MUC17: variants seen among roughly 807,000 people sequenced by gnomAD.
MUC17 encodes mucin 17, cell surface associated.
Under a neutral mutation model 170.3 loss-of-function variants are expected in MUC17, and 190 were observed. The observed-to-expected ratio is 1.12, with a 90% CI of 0.99 to 1.26. The LOEUF (loss-of-function observed/expected upper bound fraction) is 1.26. Ranked by LOEUF, MUC17 falls within the 50% of genes most tolerant of loss-of-function variation. The pLI, the probability that MUC17 is intolerant of heterozygous loss-of-function variation, is 0.00. For synonymous variants in MUC17, 2,325 were observed against 2,002.5 expected, an observed-to-expected ratio of 1.16 and a Z score of -4.30; for missense variants, 6,415 against 5,530.0, an observed-to-expected ratio of 1.16 and a Z score of -5.08.
Position 101,039,785 on chromosome 7 carries a change from C to T in MUC17, c.8369C>T (p.Ser2790Phe), listed in dbSNP as rs774257815. 5.0e-6 allele frequency: 8 copies of T among 1,609,000 alleles called. No individual in the cohort carries two copies. The African/African-American group carries it at 8.1e-5, about 16-fold the overall frequency. The change falls in exon 3 of 13, where the codon TCC becomes TTC. Residue 2790 changes from serine to phenylalanine, a missense_variant. Transcript: ENST00000306151. ...GTCACCACTTCTACTGAAGCCAGTT[C>T]CTCTCCTACAACTGCTGAAGTTACC... The part of the protein sequence containing the change: ...IPVTTSTEAS[S>F]SPTTAEVTSM...
Position 101,038,103 on chromosome 7 carries a change from CA to C in MUC17, c.6688del (p.Met2230CysfsTer3), listed in dbSNP as rs1794549664. The C allele has an allele frequency of 7.1e-7, 1 of 1,405,656 alleles. No homozygotes were observed. Among genetic ancestry groups the C allele is most frequent in the South Asian group, 1.5e-5 (1 of 65,554 alleles). 87.1% of individuals were successfully genotyped at this position (1,405,656 alleles called of 1,614,324 possible). A position where few individuals can be genotyped will look rare whatever the true frequency, so the allele number is the denominator to read the frequency against. ...CATTCACAAGTATGCCTGTCAGCAC[CA>C]TGCCGGTAGTTACTTCTGAGGCTAG... is the stretch of plus-strand genomic sequence containing the variant. ...TPFTSMPVST[M>X]PVVTSEASTL... is the part of the protein sequence containing the mutation. On this transcript the variant is annotated frameshift_variant, in exon 3 of 13. Coordinates refer to ENST00000306151, the MANE Select transcript of MUC17 (RefSeq NM_001040105.2). LOFTEE classifies it high-confidence loss of function.
chr7:101,024,635 T>G (rs1447909847), intron 1 of MUC17, among the ~76,000 whole-genome samples: 4 of 151,808 alleles, frequency 2.6e-5, no homozygotes. Flanking sequence ...GGCTTCAACA[T>G]GAACAATCTA....
rs1157048264 is a variant in MUC17 at position 101,033,762 on chromosome 7, T to C, written c.2346T>C (p.Thr782=). 6.2e-7 allele frequency: 1 copy of C among 1,614,092 alleles called. No homozygotes were observed. The highest frequency in any genetic ancestry group is 1.7e-5 in the Admixed American group (1 of 60,026). ...LDTSTHITTS[T]EASCSPTTTE... is the part of the protein sequence containing the mutation. The stretch of plus-strand genomic sequence containing the variant: ...CAAGCACACATATCACCACTTCTAC[T>C]GAAGCCAGTTGCTCTCCTACAACCA... The change falls in exon 3 of 13, where the codon ACT becomes ACC. Residue 782 remains threonine (T), a synonymous_variant. Coordinates refer to ENST00000306151, the MANE Select transcript of MUC17 (RefSeq NM_001040105.2).
intron 9 of MUC17, 116 bp from the exon 10 acceptor site, chr7:101,052,870 C>A (rs1186786270): frequency 1.2e-5 from 15 of 1,276,052 alleles, no homozygotes; most frequent in Non-Finnish European, 1.6e-5. Context: ...CTTTATGCCC[C>A]CTGGCAATCT....
Position 101,036,645 on chromosome 7 carries a change from T to C in MUC17, c.5229T>C (p.Thr1743=), listed in dbSNP as rs755267788. The change falls in exon 3 of 13, where the codon ACT becomes ACC. Residue 1743 remains threonine (T), a synonymous_variant. Transcript: ENST00000306151. ...AAGGTACCAGCATGCCAAACTCAAC[T>C]CCTAGTGAAGGAACCACTCCATTAA... ...TSEGTSMPNS[T]PSEGTTPLTS... is the part of the protein sequence containing the mutation. 2.5e-6 allele frequency: 4 copies of C among 1,612,114 alleles called. No individual in the cohort carries two copies. In the African/African-American group the frequency reaches 4.0e-5, roughly 16 times the overall value.
intron 6 of MUC17, 79 bp downstream of exon 6, chr7:101,049,461 C>A: frequency 6.5e-7 from 1 of 1,526,968 alleles, no homozygotes; most frequent in African/African-American, 1.4e-5. Context: ...TAGAACTGTG[C>A]CCCCTGCATT....
In MUC17 at chr7:101,038,837, G is replaced by A; in HGVS notation, c.7421G>A (p.Gly2474Asp). The part of the protein sequence containing the change: ...STTPVVSSEA[G>D]TLSTTPVDTS... ...ACGCCGGTGGTCAGTTCTGAGGCTG[G>A]CACCCTTTCCACAACTCCTGTTGAC... Residue 2474 changes from glycine to aspartate, a missense_variant, in exon 3 of 13, where the codon GGC becomes GAC. Coordinates refer to ENST00000306151, the MANE Select transcript of MUC17 (RefSeq NM_001040105.2). The A allele has an allele frequency of 6.2e-7, 1 of 1,612,630 alleles. No homozygotes were observed. The highest frequency in any genetic ancestry group is 2.2e-5 in the East Asian group (1 of 44,762).
rs769792136 is a variant in MUC17, at chr7:101,041,440, CT to C, written c.10025del (p.Leu3342GlnfsTer60). The C allele has an allele frequency of 6.2e-7, 1 of 1,612,872 alleles. No individual in the cohort carries two copies. The highest frequency in any genetic ancestry group is 1.7e-5 in the Admixed American group (1 of 59,908). On this transcript the variant is annotated frameshift_variant, in exon 3 of 13. Transcript: ENST00000306151. LOFTEE classifies it high-confidence loss of function. ...TSTYSEGSTP[L>X]TNMSFSTTPV... ...AACTTATAGTGAAGGAAGCACTCCA[CT>C]AACAAATATGTCTTTCAGCACCACG...
At position 101,038,713 on chromosome 7, in the gene MUC17, G is replaced by A. The variant is rs772104999; in HGVS notation, c.7297G>A (p.Glu2433Lys). 2.5e-6 allele frequency: 4 copies of A among 1,611,690 alleles called. No homozygotes were observed. In the South Asian group the frequency reaches 4.4e-5, roughly 18 times the overall value. Reference protein sequence around the residue: ...DTSTPVTTSTEASSSPTTAEG... With the variant: ...DTSTPVTTSTKASSSPTTAEG... The stretch of plus-strand genomic sequence containing the variant: ...CAGCACACCTGTCACCACTTCTACT[G>A]AAGCCAGTTCATCTCCTACAACTGC... Residue 2433 changes from glutamate to lysine, a missense_variant, in exon 3 of 13, where the codon GAA becomes AAA. Coordinates refer to ENST00000306151, the MANE Select transcript of MUC17 (RefSeq NM_001040105.2).
intron 3 of MUC17, among the ~76,000 whole-genome samples, chr7:101,045,711 C>G (rs1028728168): frequency 3.3e-5 from 5 of 152,078 alleles, no homozygotes; most frequent in African/African-American, 1.2e-4. Flanking sequence ...TATCATATGG[C>G]TTTTTTCTCT....
chr7:101,049,487 C>A, intron 6 of MUC17, 105 bp downstream of exon 6: 1 of 1,445,660 alleles, frequency 6.9e-7, no homozygotes, highest in Non-Finnish European at 9.3e-7. Context: ...GCCCAGGCAG[C>A]TATTGCAGAA....
chr7:101,048,150 C>G (rs59742420), intron 4 of MUC17, 35 bp downstream of exon 4: 39,492 of 1,516,856 alleles, frequency 0.026, 3,000 homozygotes, highest in African/African-American at 0.19. Flanking sequence ...CCACCCCATG[C>G]CCTGGGACCC....
intron 12 of MUC17, 139 bp downstream of exon 12, chr7:101,056,409 C>T (rs1795046257): frequency 2.2e-6 from 3 of 1,348,270 alleles, no homozygotes; most frequent in Non-Finnish European, 9.9e-7. Context: ...CAGGTCCATA[C>T]TGCCAGGAAA....
At chr7:101,053,975 G>T (rs897720468) in intron 11 of MUC17, among the ~76,000 whole-genome samples, 2 of 145,270 alleles carry the variant, frequency 1.4e-5, no homozygotes, top group Non-Finnish European at 3.0e-5. Flanking sequence ...CAGGAGAATT[G>T]CTTGAGCCTG....
In MUC17 at chr7:101,058,368, G is replaced by C. The variant is rs138451649; in HGVS notation, c.*324G>C. On this transcript the variant is annotated 3_prime_UTR_variant, in exon 13 of 13. Transcript: ENST00000306151. ...CGCCAGGATTGATTTGGTTGATCTG[G>C]CTGAGCAGGCGGGTGTCCCCGTCCT... 1.3e-3 allele frequency: 274 copies of C among 215,878 alleles called. 1 individual carries two copies. The highest frequency in any genetic ancestry group is 2.2e-3 in the Non-Finnish European group (236 of 107,818). The allele number at this position is 215,878 out of a possible 1,614,324, so 13.4% of individuals were successfully genotyped here.
chr7:101,053,436 G>C lies in MUC17; in HGVS notation c.13363G>C (p.Asp4455His), dbSNP rs978429486. Reference protein sequence around the residue: ...FQNIGFDICQDDDSIHLESIY... With the variant: ...FQNIGFDICQHDDSIHLESIY... ...AAACATTGGCTTTGACATCTGCCAA[G>C]GTATTGGCCTTCCTCTCTGAACTCA... The change falls in exon 11 of 13, where the codon GAT becomes CAT. Residue 4455 changes from aspartate to histidine, a missense_variant and splice_region_variant. Transcript: ENST00000306151. 3.7e-6 allele frequency: 6 copies of C among 1,612,276 alleles called. No homozygotes were observed. The South Asian group carries it at 6.6e-5, about 18-fold the overall frequency.
chr7:101,024,738 C>CTTTTTG (rs1794151205), intron 1 of MUC17, among the ~76,000 whole-genome samples: 1 of 125,464 alleles, frequency 8.0e-6, no homozygotes, highest in South Asian at 2.8e-4. Flanking sequence ...CTGTCTCCTC[C>CTTTTTG]TTTTTTTTTT....
rs572306598 is a variant in MUC17 at position 101,041,975 on chromosome 7, C to T, written c.10559C>T (p.Thr3520Ile). 6.2e-7 allele frequency: 1 copy of T among 1,613,182 alleles called. No homozygotes were observed. The highest frequency in any genetic ancestry group is 8.5e-7 in the Non-Finnish European group (1 of 1,179,628). Reference protein sequence around the residue: ...STAGEGSTPLTNMPVSTTPVA... With the variant: ...STAGEGSTPLINMPVSTTPVA... ...GCTGGTGAAGGAAGCACTCCATTAA[C>T]AAATATGCCTGTCAGCACCACACCG... Residue 3520 changes from threonine to isoleucine, a missense_variant, in exon 3 of 13, where the codon ACA becomes ATA. By Grantham distance (89) the Thr-to-Ile change is moderately conservative. Coordinates refer to ENST00000306151, the MANE Select transcript of MUC17 (RefSeq NM_001040105.2).
At chr7:101,026,591 T>G (rs1438578117) in intron 1 of MUC17, among the ~76,000 whole-genome samples, 1 of 152,164 alleles carries the variant, frequency 6.6e-6, no homozygotes, top group Non-Finnish European at 1.5e-5. Flanking sequence ...AAAGATTTCT[T>G]GTGGTTTTTA....
Sources: gnomAD v4.1 joint callset for allele counts (sites outside exome capture counted in the v4.1 genomes callset) on GRCh38, gnomAD v4.1.1 for gene constraint, MANE v1.5 for transcripts, NCBI Gene and HGNC (gene_info 2026-07-23, HGNC 2026-07-21) for gene names.